Variants in PHACTR3 observed in about 807,000 individuals in gnomAD.
The protein encoded by PHACTR3 is phosphatase and actin regulator 3, also known as protein phosphatase 1, regulatory subunit 123.
A neutral mutation model predicts 66.8 loss-of-function variants in PHACTR3; 16 were observed. The ratio of observed to expected loss-of-function variants is 0.24; its 90% CI spans 0.16 to 0.36. The LOEUF is 0.36. Ranked by LOEUF, PHACTR3 falls within the 10% of genes least tolerant of loss-of-function variation. The pLI is 1.00. For missense variants in PHACTR3, 647 were observed against 719.9 expected (o/e 0.90, Z 1.16); for synonymous variants, 323 against 292.1 (o/e 1.11, Z -1.08).
rs1450448485 is a variant in PHACTR3 at position 59,829,695 on chromosome 20, AAGG to A, written c.1329-6807_1329-6805del. ...GTGGGGCAGGATTGGCATTCCCAGA[AAGG>A]AGCCTCCCAAAATAGCCCGGGCGTC... On this transcript the variant is annotated intron_variant, in intron 8 of 12. Coordinates refer to ENST00000371015, the MANE Select transcript of PHACTR3 (RefSeq NM_080672.5). This position sits in a 1 kb window ranked among gnomAD's most constrained non-coding sequence, Gnocchi z 4.2. Among the ~76,000 whole-genome samples the A allele has an allele frequency of 6.6e-6, 1 of 152,212 alleles. No homozygotes were observed. The highest frequency in any genetic ancestry group is 1.5e-5 in the Non-Finnish European group (1 of 68,038).
chr20:59,783,319 G>A (rs560856726), intron 7 of PHACTR3, among the ~76,000 whole-genome samples: 32 of 152,324 alleles, frequency 2.1e-4, no homozygotes, highest in Admixed American at 1.2e-3. Flanking sequence ...GTCTTGCAGC[G>A]GAGGCAGGTC....
At chr20:59,646,551 C>T (rs2035286190) in intron 1 of PHACTR3, among the ~76,000 whole-genome samples, 1 of 152,134 alleles carries the variant, frequency 6.6e-6, no homozygotes, top group South Asian at 2.1e-4. Context: ...GTCAGTCCTT[C>T]CTGCTGACTT....
intron 1 of PHACTR3, among the ~76,000 whole-genome samples, chr20:59,665,458 G>A (rs986803141): frequency 1.3e-5 from 2 of 152,170 alleles, no homozygotes; most frequent in Non-Finnish European, 2.9e-5. Context: ...TAAAGAACCC[G>A]AAGGTCCTTA....
Position 59,681,676 on chromosome 20 carries a change from G to T in PHACTR3, c.119-61431G>T, listed in dbSNP as rs7265426. 5.4e-3 allele frequency among the ~76,000 whole-genome samples: 818 copies of T among 152,372 alleles called. 8 individuals carry two copies. Among genetic ancestry groups the T allele is most frequent in the African/African-American group, 0.019 (795 of 41,584 alleles). Reference sequence around the variant, plus strand: ...CAGGTATCCAGCTCAGATTTACAAAGATCTTTGCCCAGGTCCTGCAAGGAG... The same window carrying T: ...CAGGTATCCAGCTCAGATTTACAAATATCTTTGCCCAGGTCCTGCAAGGAG... On this transcript the variant is annotated intron_variant, in intron 1 of 12. Coordinates refer to ENST00000371015, the MANE Select transcript of PHACTR3 (RefSeq NM_080672.5).
chr20:59,645,294 G>C lies in PHACTR3; in HGVS notation c.118+40162G>C, dbSNP rs549502770. On this transcript the variant is annotated intron_variant, in intron 1 of 12. Coordinates refer to ENST00000371015, the MANE Select transcript of PHACTR3 (RefSeq NM_080672.5). The stretch of plus-strand genomic sequence containing the variant: ...ATGAGTCCCCCAAAGGCAGGGCTGG[G>C]TTAACCTCCCTGGGCCCAGAGAACA... Among the ~76,000 whole-genome samples the C allele has an allele frequency of 1.9e-3, 280 of 149,040 alleles. 6 individuals are homozygous for C. The highest frequency in any genetic ancestry group is 0.012 in the South Asian group (55 of 4,710).
At chr20:59,604,477 C>G, upstream of PHACTR3, 1 of 380,268 alleles carries the variant, frequency 2.6e-6, no homozygotes, top group Non-Finnish European at 3.6e-6. Flanking sequence ...CGTCATGCTC[C>G]TCTCGCGCGG....
intron 1 of PHACTR3, among the ~76,000 whole-genome samples, chr20:59,656,203 A>G (rs1187065821): frequency 6.6e-6 from 1 of 151,714 alleles, no homozygotes; most frequent in Non-Finnish European, 1.5e-5. Context: ...TTTTCTCCTT[A>G]ATCTTCTGCC....
At chr20:59,784,880 A>T (rs6027108) in intron 7 of PHACTR3, among the ~76,000 whole-genome samples, 1 of 152,074 alleles carries the variant, frequency 6.6e-6, no homozygotes, top group Non-Finnish European at 1.5e-5. Context: ...GGCTCATTCA[A>T]TCTTGGCTGC....
intron 1 of PHACTR3, among the ~76,000 whole-genome samples, chr20:59,648,826 A>C (rs188950526): frequency 5.3e-5 from 8 of 152,358 alleles, no homozygotes; most frequent in Non-Finnish European, 4.4e-5. Context: ...TCGCCCTTAG[A>C]GAAACCACCT....
intron 1 of PHACTR3, among the ~76,000 whole-genome samples, chr20:59,577,904 C>A (rs925254002): frequency 2.6e-5 from 4 of 152,272 alleles, no homozygotes; most frequent in African/African-American, 9.6e-5. Flanking sequence ...GTTTGGAATT[C>A]CCCTCTGCCC....
At chr20:59,790,619 T>A (rs1403309939) in intron 7 of PHACTR3, among the ~76,000 whole-genome samples, 1 of 152,214 alleles carries the variant, frequency 6.6e-6, no homozygotes, top group Non-Finnish European at 1.5e-5. Flanking sequence ...TTGAAAGAGC[T>A]GGATTAAAAC....
chr20:59,745,074 AG>A (rs2071909139), intron 2 of PHACTR3, among the ~76,000 whole-genome samples: 1 of 152,196 alleles, frequency 6.6e-6, no homozygotes, highest in Non-Finnish European at 1.5e-5. Context: ...GGAAATGAGC[AG>A]GGCGGGCACT....
At chr20:59,711,229 C>T (rs1018643458) in intron 1 of PHACTR3, among the ~76,000 whole-genome samples, 6 of 152,112 alleles carry the variant, frequency 3.9e-5, no homozygotes, top group Admixed American at 2.0e-4. Flanking sequence ...GTAAACATTC[C>T]TCTTACTGTT....
chr20:59,788,512 G>A (rs1326970285), intron 7 of PHACTR3, among the ~76,000 whole-genome samples: 1 of 151,980 alleles, frequency 6.6e-6, no homozygotes, highest in East Asian at 1.9e-4. Flanking sequence ...TGCCATCCTG[G>A]CCCCTCTTCC....
intron 1 of PHACTR3, among the ~76,000 whole-genome samples, chr20:59,668,602 C>T (rs2036079810): frequency 6.6e-6 from 1 of 152,206 alleles, no homozygotes; most frequent in African/African-American, 2.4e-5. Flanking sequence ...CCATATTAGG[C>T]CAGGTCCTCT....
chr20:59,579,017 G>C (rs1353232356), intron 1 of PHACTR3, among the ~76,000 whole-genome samples: 1 of 152,200 alleles, frequency 6.6e-6, no homozygotes, highest in Admixed American at 6.5e-5. Flanking sequence ...CCCTCCCCCA[G>C]TGCCTGCACA....
At chr20:59,757,011 A>G (rs1227281717) in intron 4 of PHACTR3, among the ~76,000 whole-genome samples, 1 of 152,254 alleles carries the variant, frequency 6.6e-6, no homozygotes, top group Non-Finnish European at 1.5e-5. Context: ...AAACAAATTG[A>G]TAAGAAAAAA....
chr20:59,643,835 C>A (rs985015659), intron 1 of PHACTR3, among the ~76,000 whole-genome samples: 2 of 152,138 alleles, frequency 1.3e-5, no homozygotes, highest in Admixed American at 6.5e-5. Flanking sequence ...GGATAGAAGG[C>A]CTTCTGCCTC....
intron 1 of PHACTR3, among the ~76,000 whole-genome samples, chr20:59,672,611 G>T (rs1029194250): frequency 2.0e-5 from 3 of 152,306 alleles, no homozygotes; most frequent in Non-Finnish European, 4.4e-5. Flanking sequence ...GGATTAAATG[G>T]TTTAATGTCT....
Sources: allele counts gnomAD v4.1 joint callset (sites outside exome capture counted in the v4.1 genomes callset), GRCh38; gene constraint gnomAD v4.1.1; non-coding constraint Gnocchi (gnomAD v3.1); transcripts MANE v1.5; gene names NCBI Gene and HGNC (gene_info 2026-07-23, HGNC 2026-07-21).